The following CCSER1 variants were observed in gnomAD, a reference collection of about 807,000 sequenced individuals.
The protein encoded by CCSER1 is coiled-coil serine rich protein 1.
CCSER1 carries 41 observed loss-of-function variants against 82.0 expected under a neutral mutation model. The ratio of observed to expected loss-of-function variants is 0.50; its 90% confidence interval spans 0.39 to 0.65. The LOEUF (loss-of-function observed/expected upper bound fraction) is 0.65. Ranked by LOEUF, CCSER1 falls within the 30% of genes least tolerant of loss-of-function variation. CCSER1 has a pLI of 0.00. For missense variants in CCSER1, 1,119 were observed against 1,064.2 expected, an observed-to-expected ratio of 1.05 and a Z score of -0.72; for synonymous variants, 414 against 383.9, an observed-to-expected ratio of 1.08 and a Z score of -0.92.
intron 10 of CCSER1, among the ~76,000 whole-genome samples, chr4:91,193,646 G>T (rs1282554542): frequency 6.6e-6 from 1 of 152,094 alleles, no homozygotes; most frequent in African/African-American, 2.4e-5. Context: ...ACTTATTGTG[G>T]TTATTATTGT....
At chr4:90,167,566 C>T (rs574744019) in intron 1 of CCSER1, among the ~76,000 whole-genome samples, 13 of 152,074 alleles carry the variant, frequency 8.5e-5, no homozygotes, top group Admixed American at 1.3e-4. Flanking sequence ...GTTGGTGCGC[C>T]GCACCCAGTA....
chr4:91,463,930 G>C (rs1217774239), intron 10 of CCSER1, among the ~76,000 whole-genome samples: 3 of 152,184 alleles, frequency 2.0e-5, no homozygotes, highest in Admixed American at 2.0e-4. Flanking sequence ...CAAACACTCT[G>C]CAGGATATTA....
chr4:90,843,273 G>A (rs925749984), intron 8 of CCSER1, among the ~76,000 whole-genome samples: 1 of 152,002 alleles, frequency 6.6e-6, no homozygotes, highest in Non-Finnish European at 1.5e-5. Context: ...GCTATTTACT[G>A]CTAAACTGGT....
At chr4:90,227,815 G>C (rs566824346) in intron 1 of CCSER1, among the ~76,000 whole-genome samples, 1 of 152,220 alleles carries the variant, frequency 6.6e-6, no homozygotes, top group African/African-American at 2.4e-5. Flanking sequence ...CTCGGGAAGC[G>C]CAAAGAGTCA....
At chr4:91,286,334 T>C (rs1403386779) in intron 10 of CCSER1, among the ~76,000 whole-genome samples, 1 of 151,830 alleles carries the variant, frequency 6.6e-6, no homozygotes, top group Non-Finnish European at 1.5e-5. Flanking sequence ...AGTATAGGTT[T>C]GGTTAGTATT....
intron 5 of CCSER1, among the ~76,000 whole-genome samples, chr4:90,572,242 C>T (rs550634210): frequency 6.6e-5 from 10 of 152,232 alleles, no homozygotes; most frequent in African/African-American, 2.4e-4. Context: ...TTGGAACTCC[C>T]TTATATGTTG....
At chr4:90,650,695 A>G (rs905288556) in intron 6 of CCSER1, among the ~76,000 whole-genome samples, 8 of 152,286 alleles carry the variant, frequency 5.3e-5, no homozygotes, top group African/African-American at 1.9e-4. Context: ...CATATTTTTT[A>G]CACCATCATT....
At chr4:90,160,098 G>T (rs1179620308) in intron 1 of CCSER1, among the ~76,000 whole-genome samples, 1 of 152,230 alleles carries the variant, frequency 6.6e-6, no homozygotes, top group Non-Finnish European at 1.5e-5. Context: ...TACACAGCTT[G>T]TTGGGGGCAG....
chr4:90,358,374 T>C (rs1744721473), intron 3 of CCSER1, among the ~76,000 whole-genome samples: 1 of 152,144 alleles, frequency 6.6e-6, no homozygotes, highest in South Asian at 2.1e-4. Flanking sequence ...TAGCTCTGTA[T>C]GACTTTGGTC....
chr4:91,249,818 T>C (rs953045492), intron 10 of CCSER1, among the ~76,000 whole-genome samples: 2 of 152,128 alleles, frequency 1.3e-5, no homozygotes, highest in African/African-American at 4.8e-5. Context: ...CTATTCATGG[T>C]TTCTCAGCTG....
intron 1 of CCSER1, among the ~76,000 whole-genome samples, chr4:90,157,874 C>T (rs903680484): frequency 2.0e-5 from 3 of 152,188 alleles, no homozygotes; most frequent in Non-Finnish European, 2.9e-5. Context: ...TCTCTCAACT[C>T]GTCAAAGTCA....
chr4:91,594,664 G>T (rs1421231671), intron 10 of CCSER1, among the ~76,000 whole-genome samples: 2 of 151,830 alleles, frequency 1.3e-5, no homozygotes, highest in Non-Finnish European at 2.9e-5. Context: ...GAATTGGAAA[G>T]CAACTGAATG....
chr4:91,253,843 A>G (rs1360830171), intron 10 of CCSER1, among the ~76,000 whole-genome samples: 2 of 152,094 alleles, frequency 1.3e-5, no homozygotes, highest in Non-Finnish European at 2.9e-5. Context: ...TGGTGCAAGA[A>G]GGAGCAAGAG....
chr4:91,134,879 G>A (rs1581620243), intron 10 of CCSER1, among the ~76,000 whole-genome samples: 1 of 152,052 alleles, frequency 6.6e-6, no homozygotes, highest in East Asian at 1.9e-4. Flanking sequence ...GGCCAACATG[G>A]TGAAACCCCA....
At chr4:91,292,060 C>T (rs1055398328) in intron 10 of CCSER1, among the ~76,000 whole-genome samples, 8 of 151,984 alleles carry the variant, frequency 5.3e-5, no homozygotes, top group Non-Finnish European at 1.0e-4. Context: ...CTCTATCAAA[C>T]TAGCAAGCGA....
intron 3 of CCSER1, among the ~76,000 whole-genome samples, chr4:90,383,185 A>G (rs1749481696): frequency 6.6e-6 from 1 of 152,162 alleles, no homozygotes; most frequent in African/African-American, 2.4e-5. Flanking sequence ...TAAAAGAGAA[A>G]TTTGGCTAAA....
chr4:91,221,511 A>T (rs1456680282), intron 10 of CCSER1, among the ~76,000 whole-genome samples: 1 of 152,184 alleles, frequency 6.6e-6, no homozygotes, highest in African/African-American at 2.4e-5. Flanking sequence ...ACATTTTCTG[A>T]GAAAAATTAA....
chr4:90,930,956 T>A (rs983799320), intron 9 of CCSER1, among the ~76,000 whole-genome samples: 1 of 140,562 alleles, frequency 7.1e-6, no homozygotes, highest in Non-Finnish European at 1.5e-5. Context: ...GACATATATA[T>A]ACATACATGA....
At chr4:90,153,424 T>A (rs570047417) in intron 1 of CCSER1, among the ~76,000 whole-genome samples, 1 of 152,250 alleles carries the variant, frequency 6.6e-6, no homozygotes, top group East Asian at 1.9e-4. Flanking sequence ...CTGGGTCAAA[T>A]GGTATTTCTA....
Sources: allele counts gnomAD v4.1 joint callset (sites outside exome capture counted in the v4.1 genomes callset), GRCh38; gene constraint gnomAD v4.1.1; transcripts MANE v1.5; gene names NCBI Gene and HGNC (gene_info 2026-07-23, HGNC 2026-07-21).